Variants in OCA2 observed in about 807,000 individuals in gnomAD.
The protein encoded by OCA2 is OCA2 melanosomal transmembrane protein, also known as P protein.
Under a neutral mutation model 100.2 loss-of-function variants are expected in OCA2, and 77 were observed. The observed-to-expected ratio is 0.77, with a 90% CI of 0.64 to 0.93. The LOEUF (loss-of-function observed/expected upper bound fraction) is 0.93, where lower values mean the gene tolerates loss of function less well. Ranked by LOEUF, OCA2 falls within the 40% of genes least tolerant of loss-of-function variation. The pLI, the probability that OCA2 is intolerant of heterozygous loss-of-function variation, is 0.00. For missense variants in OCA2, 1,062 were observed against 1,089.1 expected (o/e 0.98, Z 0.35); for synonymous variants, 432 against 439.2 (o/e 0.98, Z 0.21).
At chr15:27,952,455 C>G (rs2140628004) in intron 17 of OCA2, among the ~76,000 whole-genome samples, 1 of 152,266 alleles carries the variant, frequency 6.6e-6, no homozygotes, top group Non-Finnish European at 1.5e-5. Context: ...TAGGAGACGG[C>G]ACGAGACGGG....
chr15:27,903,176 C>T (rs1431060499), intron 19 of OCA2, among the ~76,000 whole-genome samples: 1 of 152,252 alleles, frequency 6.6e-6, no homozygotes, highest in Non-Finnish European at 1.5e-5. Flanking sequence ...TAAACTCCAC[C>T]TTTGTGTCGC....
chr15:28,072,211 C>CA (rs781521104), intron 2 of OCA2, among the ~76,000 whole-genome samples: 2 of 144,110 alleles, frequency 1.4e-5, no homozygotes, highest in African/African-American at 2.6e-5. Flanking sequence ...ACTAAAAATA[C>CA]AAAAAAATTA....
At chr15:28,001,144 A>T (rs1169652671) in intron 9 of OCA2, among the ~76,000 whole-genome samples, 1 of 152,202 alleles carries the variant, frequency 6.6e-6, no homozygotes, top group African/African-American at 2.4e-5. Flanking sequence ...TCTCAAGTAG[A>T]TATCTGTGCG....
intron 2 of OCA2, among the ~76,000 whole-genome samples, chr15:28,052,435 G>A (rs1020944625): frequency 1.3e-5 from 2 of 152,152 alleles, no homozygotes; most frequent in Non-Finnish European, 2.9e-5. Context: ...TCTGCTGAGA[G>A]GCCGTTCATG....
At chr15:27,750,184 T>C (rs553178928), downstream of OCA2, among the ~76,000 whole-genome samples, 134 of 152,306 alleles carry the variant, frequency 8.8e-4, 1 homozygote, top group African/African-American at 3.0e-3. Context: ...TCAATACCCA[T>C]CATTTTCTCC....
chr15:28,024,994 C>T (rs2042706543), intron 4 of OCA2, 92 bp from the exon 5 acceptor site: 1 of 1,158,290 alleles, frequency 8.6e-7, no homozygotes, highest in Non-Finnish European at 1.3e-6. Flanking sequence ...TAACTTCCAT[C>T]TCAAAGCATG....
chr15:28,036,710 TA>T (rs150679867), intron 2 of OCA2, among the ~76,000 whole-genome samples: 11,493 of 152,166 alleles, frequency 0.076, 1,227 homozygotes, highest in African/African-American at 0.24. Context: ...AAAAATGAGC[TA>T]AAAAATGTTG....
chr15:27,728,463 T>G, the OCA2 span, among the ~76,000 whole-genome samples: 1 of 152,162 alleles, frequency 6.6e-6, no homozygotes, highest in Admixed American at 6.5e-5. Context: ...CAGTAGAATT[T>G]TGGGGGTCCA....
At chr15:27,790,747 G>C (rs145244236) in intron 23 of OCA2, among the ~76,000 whole-genome samples, 1 of 151,614 alleles carries the variant, frequency 6.6e-6, no homozygotes, top group African/African-American at 2.4e-5. Flanking sequence ...ACCTCAAATG[G>C]TAAAATTTAC....
chr15:27,899,664 C>T (rs986116915), intron 19 of OCA2, among the ~76,000 whole-genome samples: 4 of 152,158 alleles, frequency 2.6e-5, no homozygotes, highest in South Asian at 2.1e-4. Flanking sequence ...ACTCACTGGT[C>T]GTACCATGTG....
At chr15:27,877,102 TA>T (rs1337859200) in intron 19 of OCA2, among the ~76,000 whole-genome samples, 1 of 151,972 alleles carries the variant, frequency 6.6e-6, no homozygotes, top group Non-Finnish European at 1.5e-5. Flanking sequence ...TTTGTAATAT[TA>T]TCTTATTCCC....
intron 18 of OCA2, 69 bp downstream of exon 18, chr15:27,951,715 G>A: frequency 8.7e-7 from 1 of 1,146,456 alleles, no homozygotes. Flanking sequence ...CAGTGTCTGG[G>A]AACAGGCTCT....
At chr15:27,770,788 TCC>T (rs2031693689) in intron 23 of OCA2, among the ~76,000 whole-genome samples, 1 of 59,268 alleles carries the variant, frequency 1.7e-5, no homozygotes. Context: ...CATCCTTCCT[TCC>T]TCCCTCCCTC....
At chr15:27,896,181 A>C (rs1194771328) in intron 19 of OCA2, 2 of 914,248 alleles carry the variant, frequency 2.2e-6, no homozygotes, top group Non-Finnish European at 3.6e-6. Context: ...TGGTGCCCTG[A>C]AGAGAGCTGT....
chr15:27,813,819 A>G (rs1412745222), intron 23 of OCA2, among the ~76,000 whole-genome samples: 1 of 152,242 alleles, frequency 6.6e-6, no homozygotes, highest in South Asian at 2.1e-4. Context: ...GCCAAGAGGA[A>G]AACAATCACC....
rs577173582 is a variant in OCA2 at position 27,941,129 on chromosome 15, T to C, written c.1951+10655A>G. 4.5e-4 allele frequency among the ~76,000 whole-genome samples: 68 copies of C among 152,326 alleles called. 1 individual carries two copies. The highest frequency in any genetic ancestry group is 2.7e-3 in the Admixed American group (41 of 15,310). ...GTGAATATAAAGACTGTCTTTCTTA[T>C]TAATGCTAAGGGGAAAATATAATTT... is the stretch of plus-strand genomic sequence containing the variant. On this transcript the variant is annotated intron_variant, in intron 18 of 23. Transcript: ENST00000354638.
intron 2 of OCA2, among the ~76,000 whole-genome samples, chr15:28,055,054 T>G (rs2043647442): frequency 6.6e-6 from 1 of 152,170 alleles, no homozygotes; most frequent in South Asian, 2.1e-4. Flanking sequence ...TTATTACAAT[T>G]CAAGGTGAGA....
chr15:27,875,848 T>C (rs1019409935), intron 19 of OCA2, among the ~76,000 whole-genome samples: 1 of 152,072 alleles, frequency 6.6e-6, no homozygotes, highest in African/African-American at 2.4e-5. Context: ...ATATTGATTT[T>C]TGGATACTGA....
Position 27,908,864 on chromosome 15 carries a change from T to C in OCA2, c.2079+17263A>G, listed in dbSNP as rs139428508. Among the ~76,000 whole-genome samples, 781 of 152,314 alleles carry C rather than the reference T, an allele frequency of 5.1e-3. 7 individuals are homozygous for C. Among genetic ancestry groups the C allele is most frequent in the Admixed American group, 0.014 (218 of 15,296 alleles). On this transcript the variant is annotated intron_variant, in intron 19 of 23. Transcript: ENST00000354638. ...AAACAGGTGTTTAGCATAAATCAAA[T>C]TGTTTGCATAAACAGTCTAGGCACA...
Sources: gnomAD v4.1 joint callset for allele counts (sites outside exome capture counted in the v4.1 genomes callset) on GRCh38, gnomAD v4.1.1 for gene constraint, MANE v1.5 for transcripts, NCBI Gene and HGNC (gene_info 2026-07-23, HGNC 2026-07-21) for gene names.